Variants in AGMO observed in about 807,000 individuals in gnomAD.
AGMO encodes glyceryl-ether monooxygenase.
A neutral mutation model predicts 60.2 loss-of-function variants in AGMO; 75 were observed. That is an observed-to-expected ratio of 1.25 (90% confidence interval 1.03 to 1.51). The LOEUF is 1.51. Among genes scored for constraint, AGMO ranks in the 40% most tolerant of loss-of-function variants. The probability of loss-of-function intolerance (pLI) is 0.00; values close to 1 mark genes in which losing one functional copy is unlikely to be tolerated. For synonymous variants in AGMO, 261 were observed against 177.1 expected, an observed-to-expected ratio of 1.47 and a Z score of -3.76; for missense variants, 763 against 525.5, an observed-to-expected ratio of 1.45 and a Z score of -4.42.
chr7:15,180,732 T>G, the AGMO span, among the ~76,000 whole-genome samples: 1 of 152,228 alleles, frequency 6.6e-6, no homozygotes. Flanking sequence ...TGCAGGTGTT[T>G]GTAACAGCAG....
chr7:15,485,314 T>G (rs1456223901), intron 3 of AGMO, among the ~76,000 whole-genome samples: 1 of 151,382 alleles, frequency 6.6e-6, no homozygotes, highest in Non-Finnish European at 1.5e-5. Flanking sequence ...AAGATTCTGT[T>G]TGAAAAAAAA....
At chr7:15,136,469 A>G in the AGMO span, among the ~76,000 whole-genome samples, 2 of 151,280 alleles carry the variant, frequency 1.3e-5, no homozygotes, top group African/African-American at 4.9e-5. Context: ...TCATTGCTTT[A>G]GCATTGGTTG....
intron 3 of AGMO, among the ~76,000 whole-genome samples, chr7:15,485,648 G>A (rs571725667): frequency 6.6e-6 from 1 of 152,154 alleles, no homozygotes; most frequent in Admixed American, 6.5e-5. Context: ...AGAGAAGTTA[G>A]GGCCTGATGG....
intron 4 of AGMO, among the ~76,000 whole-genome samples, chr7:15,425,611 T>C (rs1156291375): frequency 6.6e-6 from 1 of 151,968 alleles, no homozygotes; most frequent in African/African-American, 2.4e-5. Flanking sequence ...ACTAATTTAT[T>C]TTATTTTTTG....
chr7:15,190,518 T>A, the AGMO span, among the ~76,000 whole-genome samples: 5 of 151,856 alleles, frequency 3.3e-5, no homozygotes, highest in Non-Finnish European at 5.9e-5. Flanking sequence ...GAAAGGACAA[T>A]AGGCATTAGA....
chr7:15,557,802 A>T (rs1785186988), intron 2 of AGMO, among the ~76,000 whole-genome samples: 2 of 152,070 alleles, frequency 1.3e-5, no homozygotes, highest in South Asian at 4.1e-4. Flanking sequence ...AGAAAGGAGT[A>T]ATTTGCTATT....
chr7:15,221,989 T>C (rs573905300), intron 12 of AGMO, among the ~76,000 whole-genome samples: 3 of 152,276 alleles, frequency 2.0e-5, no homozygotes, highest in Non-Finnish European at 2.9e-5. Context: ...ATAGAGTGTT[T>C]ACATAATTTT....
chr7:15,544,979 G>A (rs2189445), intron 2 of AGMO, 56 bp from the exon 3 acceptor site: 246,217 of 1,242,498 alleles, frequency 0.2, 26,599 homozygotes, highest in South Asian at 0.37. Context: ...AAAAAATTAC[G>A]CTAAAATGTT....
chr7:15,416,405 A>G (rs969358763), intron 5 of AGMO, among the ~76,000 whole-genome samples: 4 of 152,162 alleles, frequency 2.6e-5, no homozygotes, highest in African/African-American at 9.6e-5. Context: ...GGTACGTTTT[A>G]TGGCCTATTT....
intron 12 of AGMO, among the ~76,000 whole-genome samples, chr7:15,348,951 G>T (rs73298336): frequency 0.018 from 2,699 of 152,166 alleles, 72 homozygotes; most frequent in African/African-American, 0.06. Context: ...TAAATTAGCT[G>T]CCTAATGCAT....
Position 15,365,546 on chromosome 7 carries a change from G to C in AGMO, c.1231C>G (p.Pro411Ala), listed in dbSNP as rs1188654385. ...GCAGATGACAATGAAGGGACAAGAG[G>C]CTTCAGGTGACCAAATCGGTACAGC... ...LMLYRFGHLK[P>A]LVPSLSSAFE... The change falls in exon 12 of 13, where the codon CCT becomes GCT. Residue 411 changes from proline (P) to alanine (A), a missense_variant. Coordinates refer to ENST00000342526, the MANE Select transcript of AGMO (RefSeq NM_001004320.2). The C allele has an allele frequency of 1.2e-6, 2 of 1,612,796 alleles. No individual in the cohort carries two copies. The highest frequency in any genetic ancestry group is 1.7e-5 in the Admixed American group (1 of 59,960).
At chr7:15,362,577 C>T (rs7812204) in intron 12 of AGMO, among the ~76,000 whole-genome samples, 3 of 151,970 alleles carry the variant, frequency 2.0e-5, no homozygotes, top group Non-Finnish European at 2.9e-5. Flanking sequence ...AACATTTTAA[C>T]GAAAAATTCC....
At chr7:15,530,823 CTATATATATTCTATA>C (rs1455732683) in intron 3 of AGMO, among the ~76,000 whole-genome samples, 21 of 84,412 alleles carry the variant, frequency 2.5e-4, no homozygotes, top group Admixed American at 8.8e-4. Context: ...ATATACATTT[CTATATATATTCTATA>C]TATATATATT....
chr7:15,383,792 G>T (rs1436970664), intron 10 of AGMO, among the ~76,000 whole-genome samples: 3 of 151,700 alleles, frequency 2.0e-5, no homozygotes, highest in African/African-American at 7.3e-5. Context: ...ATTCATTTAG[G>T]TTTTTTTCCC....
At chr7:15,347,453 T>A (rs1022126223) in intron 12 of AGMO, among the ~76,000 whole-genome samples, 9 of 152,192 alleles carry the variant, frequency 5.9e-5, no homozygotes, top group Admixed American at 3.9e-4. Context: ...AGAAAGTTAG[T>A]TATTTACCTC....
In AGMO at chr7:15,269,326, T is replaced by C. The variant is rs972347387; in HGVS notation, c.1264-67967A>G. The stretch of plus-strand genomic sequence containing the variant: ...GAAGTGCAAGAAGATTAAGGGTGTT[T>C]CCAAAAGATTTAGGTAAATGTGTTG... On this transcript the variant is annotated intron_variant, in intron 12 of 12. Transcript: ENST00000342526. 4.6e-5 allele frequency among the ~76,000 whole-genome samples: 7 copies of C among 152,144 alleles called. 1 individual carries two copies. In the East Asian group the frequency reaches 1.4e-3, roughly 29 times the overall value.
intron 12 of AGMO, among the ~76,000 whole-genome samples, chr7:15,228,164 G>A (rs1049237582): frequency 4.6e-5 from 7 of 151,946 alleles, no homozygotes; most frequent in African/African-American, 1.7e-4. Flanking sequence ...TCTCTCCACA[G>A]GAAATTAAAG....
intron 12 of AGMO, among the ~76,000 whole-genome samples, chr7:15,364,932 A>G (rs559513786): frequency 4.6e-5 from 7 of 152,174 alleles, no homozygotes; most frequent in African/African-American, 1.7e-4. Flanking sequence ...TAGTGATGAG[A>G]AAATAAATGT....
the AGMO span, among the ~76,000 whole-genome samples, chr7:15,141,224 C>A: frequency 2.6e-5 from 4 of 152,184 alleles, no homozygotes; most frequent in Admixed American, 2.0e-4. Flanking sequence ...CCTTTCCTGT[C>A]TTTTTGTGGT....
Sources: allele counts gnomAD v4.1 joint callset (sites outside exome capture counted in the v4.1 genomes callset), GRCh38; gene constraint gnomAD v4.1.1; transcripts MANE v1.5; gene names NCBI Gene and HGNC (gene_info 2026-07-23, HGNC 2026-07-21).